SLC26A11: variants seen among roughly 807,000 people sequenced by gnomAD.
SLC26A11 encodes solute carrier family 26 member 11.
SLC26A11 carries 58 observed loss-of-function variants against 62.2 expected under a neutral mutation model. The ratio of observed to expected loss-of-function variants is 0.93; its 90% confidence interval spans 0.76 to 1.16. The LOEUF (loss-of-function observed/expected upper bound fraction) is 1.16, where lower values mean the gene tolerates loss of function less well. SLC26A11 is among the 50% of genes most tolerant of loss of function. The pLI is 0.00. For synonymous variants in SLC26A11, 411 were observed against 368.9 expected (o/e 1.11, Z -1.31); for missense variants, 790 against 794.3 (o/e 0.99, Z 0.06).
rs984241311 is a variant in SLC26A11 at position 80,246,330 on chromosome 17, TGGG to T, written c.1153+125_1153+127del. 2.1e-6 allele frequency: 3 copies of T among 1,432,730 alleles called. No individual in the cohort carries two copies. The highest frequency in any genetic ancestry group is 1.3e-5 in the South Asian group (1 of 75,552). The allele number at this position is 1,432,730 out of a possible 1,614,324, so 88.8% of individuals were successfully genotyped here. On this transcript the variant is annotated intron_variant, in intron 12 of 17. Transcript: ENST00000361193. The surrounding 1 kb of genome is among the most constrained non-coding windows in gnomAD (Gnocchi z 4.4). ...TGCGCCCCGGGACTGCACAGGGACT[TGGG>T]GGGCCACACAGGAGTAGGGGGACCA...
intron 15 of SLC26A11, 39 bp downstream of exon 15, chr17:80,248,713 C>T (rs1490300948): frequency 6.5e-7 from 1 of 1,527,360 alleles, no homozygotes; most frequent in Non-Finnish European, 8.9e-7. Context: ...AGGTCACTCC[C>T]CTGTCCTCTG....
chr17:80,251,352 G>A lies in SLC26A11; in HGVS notation c.1680G>A (p.Leu560=), dbSNP rs200621674. The A allele has an allele frequency of 1.2e-6, 2 of 1,614,110 alleles. No homozygotes were observed. The highest frequency in any genetic ancestry group is 1.7e-6 in the Non-Finnish European group (2 of 1,180,006). ...AGGTCCCCGTTCTCCGTGTCCTGCT[G>A]TCCGCTGACCTGAAGGGGTTCCAGT... is the stretch of plus-strand genomic sequence containing the variant. The part of the protein sequence containing the change: ...GLQVPVLRVL[L]SADLKGFQYF... Residue 560 remains leucine (L), a synonymous_variant, in exon 17 of 18, where the codon CTG becomes CTA. Transcript: ENST00000361193.
intron 7 of SLC26A11, among the ~76,000 whole-genome samples, chr17:80,232,307 T>A (rs1220347538): frequency 2.0e-5 from 3 of 151,870 alleles, no homozygotes; most frequent in Non-Finnish European, 2.9e-5. Context: ...CAGGCTGGAG[T>A]GCAATGGCGT....
rs1293367462 is a variant in SLC26A11 at position 80,253,307 on chromosome 17, C to T, written c.*591C>T. On this transcript the variant is annotated 3_prime_UTR_variant, in exon 18 of 18. Coordinates refer to ENST00000361193, the MANE Select transcript of SLC26A11 (RefSeq NM_001166347.2). ...AAAAAATACAGGAAACCACCCCTCA[C>T]CCTGTCCACTTGGGTGATCATTCCA... is the stretch of plus-strand genomic sequence containing the variant. 6.6e-6 allele frequency: 1 copy of T among 152,670 alleles called. No individual in the cohort carries two copies. The highest frequency in any genetic ancestry group is 2.1e-4 in the South Asian group (1 of 4,858). The allele number at this position is 152,670 out of a possible 1,614,324, so 9.5% of individuals were successfully genotyped here.
intron 9 of SLC26A11, among the ~76,000 whole-genome samples, chr17:80,240,301 AG>A (rs1282253143): frequency 6.6e-6 from 1 of 151,910 alleles, no homozygotes; most frequent in Non-Finnish European, 1.5e-5. Flanking sequence ...CGGGAGGCGG[AG>A]CTTGCAGTGA....
In SLC26A11 at chr17:80,237,595, G is replaced by T. The variant is rs757204415; in HGVS notation, c.985+1G>T. Reference sequence around the variant, plus strand: ...AGCATTGCGGTGGCCAAAGCCTTCGGTAAGACGCCTGTCACCCACACCCCA... The same window carrying T: ...AGCATTGCGGTGGCCAAAGCCTTCGTTAAGACGCCTGTCACCCACACCCCA... On this transcript the variant is annotated splice_donor_variant, in intron 9 of 17. Coordinates refer to ENST00000361193, the MANE Select transcript of SLC26A11 (RefSeq NM_001166347.2). LOFTEE classifies it high-confidence loss of function. 4 of 1,610,420 alleles carry T rather than the reference G, an allele frequency of 2.5e-6. No individual in the cohort carries two copies. The East Asian group carries it at 8.9e-5, about 36-fold the overall frequency.
In SLC26A11 at chr17:80,228,072, G is replaced by A; in HGVS notation, c.736+112G>A. On this transcript the variant is annotated intron_variant, in intron 7 of 17. Transcript: ENST00000361193. The surrounding 1 kb of genome is among the most constrained non-coding windows in gnomAD (Gnocchi z 4.1). ...CACGTCATTGGTCTGGGTGTCACTT[G>A]AGCATTGGGACATTTAAAACACCAC... 1 of 879,710 alleles carries A rather than the reference G, an allele frequency of 1.1e-6. No individual in the cohort carries two copies. The highest frequency in any genetic ancestry group is 1.7e-6 in the Non-Finnish European group (1 of 578,910). 54.5% of individuals were successfully genotyped at this position (879,710 alleles called of 1,614,324 possible).
chr17:80,230,720 C>T (rs1415314471), intron 7 of SLC26A11, among the ~76,000 whole-genome samples: 3 of 152,128 alleles, frequency 2.0e-5, no homozygotes, highest in Admixed American at 6.6e-5. Context: ...GTCTAGACAT[C>T]GTAATGTACA....
rs1183763787 is a variant in SLC26A11 at position 80,223,804 on chromosome 17, A to G, written c.513+467A>G. ...TTCTGTTTAATATTTTTTAAATGCC[A>G]TGCCTTTTATATTTTCTTTTAAAAC... On this transcript the variant is annotated intron_variant, in intron 5 of 17. Coordinates refer to ENST00000361193, the MANE Select transcript of SLC26A11 (RefSeq NM_001166347.2). The surrounding 1 kb of genome is among the most constrained non-coding windows in gnomAD (Gnocchi z 4.6). Among the ~76,000 whole-genome samples, 1 of 152,192 alleles carries G rather than the reference A, an allele frequency of 6.6e-6. No homozygotes were observed. Among genetic ancestry groups the G allele is most frequent in the Non-Finnish European group, 1.5e-5 (1 of 68,028 alleles).
chr17:80,236,815 C>T (rs907439825), intron 7 of SLC26A11, 113 bp from the exon 8 acceptor site: 42 of 1,129,262 alleles, frequency 3.7e-5, no homozygotes, highest in Middle Eastern at 3.0e-4. Context: ...GACTGTGGCC[C>T]GGTGGGGGCG....
In SLC26A11 at chr17:80,225,899, C is replaced by G. The variant is rs766819348; in HGVS notation, c.576C>G (p.Leu192=). The change falls in exon 6 of 18, where the codon CTC becomes CTG. Residue 192 remains leucine (L), a synonymous_variant. Transcript: ENST00000361193. ...TCCTGCAGGTGTACCACACCTTCCTCAGGATTGCAGAGACCAGGTACCCCG... is the reference window on the plus strand; with the variant it reads ...TCCTGCAGGTGTACCACACCTTCCTGAGGATTGCAGAGACCAGGTACCCCG... ...PFFLQVYHTF[L]RIAETRVGDA... 6.2e-7 allele frequency: 1 copy of G among 1,613,998 alleles called. No homozygotes were observed. The highest frequency in any genetic ancestry group is 2.2e-5 in the East Asian group (1 of 44,874).
chr17:80,251,327 A>G lies in SLC26A11; in HGVS notation c.1657-2A>G, dbSNP rs1468059582. On this transcript the variant is annotated splice_acceptor_variant, in intron 16 of 17. Coordinates refer to ENST00000361193, the MANE Select transcript of SLC26A11 (RefSeq NM_001166347.2). LOFTEE classifies it high-confidence loss of function. ...CCTGGCTAAAGTCTGTCTGTCTCTC[A>G]GGTCCCCGTTCTCCGTGTCCTGCTG... 6.2e-7 allele frequency: 1 copy of G among 1,613,896 alleles called. No homozygotes were observed. The highest frequency in any genetic ancestry group is 8.5e-7 in the Non-Finnish European group (1 of 1,179,840).
At chr17:80,245,169 G>A (rs2042961263) in intron 10 of SLC26A11, 27 bp from the exon 11 acceptor site, 5 of 1,611,390 alleles carry the variant, frequency 3.1e-6, no homozygotes, top group African/African-American at 1.3e-5. Context: ...TTCCCTCCAC[G>A]ATCAGCCTGT....
At position 80,223,016 on chromosome 17, in the gene SLC26A11, C is replaced by CT. The variant is rs1192248459; in HGVS notation, c.427+170dup. 6.6e-6 allele frequency among the ~76,000 whole-genome samples: 1 copy of CT among 152,004 alleles called. No homozygotes were observed. Among genetic ancestry groups the CT allele is most frequent in the Non-Finnish European group, 1.5e-5 (1 of 67,998 alleles). On this transcript the variant is annotated intron_variant, in intron 4 of 17. Coordinates refer to ENST00000361193, the MANE Select transcript of SLC26A11 (RefSeq NM_001166347.2). The surrounding 1 kb of genome is among the most constrained non-coding windows in gnomAD (Gnocchi z 4.6). ...GGGGGTGGGGCACTTGGCTCTTAGT[C>CT]TACTCTTTTCTGCTTAGAGGCCAGG...
chr17:80,240,235 C>T (rs1422218245), intron 9 of SLC26A11, among the ~76,000 whole-genome samples: 2 of 151,986 alleles, frequency 1.3e-5, no homozygotes, highest in Non-Finnish European at 2.9e-5. Context: ...GGCGTGGTGG[C>T]GGGCGCCTGT....
At chr17:80,244,568 A>G (rs1185954887) in intron 10 of SLC26A11, among the ~76,000 whole-genome samples, 1 of 152,192 alleles carries the variant, frequency 6.6e-6, no homozygotes, top group Non-Finnish European at 1.5e-5. Context: ...CTTGCCAGGC[A>G]TGGTGGCTCA....
chr17:80,224,693 T>C (rs1462143086), intron 5 of SLC26A11, among the ~76,000 whole-genome samples: 1 of 152,166 alleles, frequency 6.6e-6, no homozygotes, highest in Non-Finnish European at 1.5e-5. Flanking sequence ...AGGGCATGGT[T>C]GGTTCTTTAA....
Position 80,224,426 on chromosome 17 carries a change from AGT to A in SLC26A11, c.513+1091_513+1092del, listed in dbSNP as rs1238938724. 3.7e-3 allele frequency among the ~76,000 whole-genome samples: 449 copies of A among 121,408 alleles called. 6 individuals are homozygous for A. Among genetic ancestry groups the A allele is most frequent in the Admixed American group, 0.033 (370 of 11,124 alleles). The allele number at this position is 121,408 out of a possible 152,430, so 79.6% of individuals were successfully genotyped here. On this transcript the variant is annotated intron_variant, in intron 5 of 17. Transcript: ENST00000361193. ...GTGAGAGTGAGTGTGAGTGAGTGAG[AGT>A]GGGTGTGGGTGTGAGAGTGTGAGTG... is the stretch of plus-strand genomic sequence containing the variant.
chr17:80,241,887 C>T, intron 10 of SLC26A11, 66 bp downstream of exon 10: 11 of 1,534,208 alleles, frequency 7.2e-6, no homozygotes, highest in Non-Finnish European at 9.9e-6. Context: ...GCCTGCCCCT[C>T]TGTGTCTCCT....
Sources: gnomAD v4.1 joint callset for allele counts (sites outside exome capture counted in the v4.1 genomes callset) on GRCh38, gnomAD v4.1.1 for gene constraint, Gnocchi (gnomAD v3.1) non-coding constraint, MANE v1.5 for transcripts, NCBI Gene and HGNC (gene_info 2026-07-23, HGNC 2026-07-21) for gene names.